SLC71A2: variants seen among roughly 807,000 people sequenced by gnomAD.
SLC71A2 encodes hippocampus abundant transcript-like 1.
At chr9:94,392,506 A>ATT in the SLC71A2 span, among the ~76,000 whole-genome samples, 3 of 147,412 alleles carry the variant, frequency 2.0e-5, no homozygotes, top group African/African-American at 7.5e-5. Flanking sequence ...ATTTAAAAGC[A>ATT]TTTTTTTTTT....
At chr9:94,416,592 C>T in the SLC71A2 span, among the ~76,000 whole-genome samples, 10 of 152,154 alleles carry the variant, frequency 6.6e-5, no homozygotes, top group African/African-American at 1.2e-4. Context: ...CGGTGGCTCA[C>T]GCCTGTAATC....
chr9:94,445,818 T>C, the SLC71A2 span, among the ~76,000 whole-genome samples: 1 of 152,218 alleles, frequency 6.6e-6, no homozygotes. Context: ...TGGTTTCTGC[T>C]TTTCGTCCCC....
the SLC71A2 span, among the ~76,000 whole-genome samples, chr9:94,388,427 T>C: frequency 1.3e-5 from 2 of 152,208 alleles, no homozygotes; most frequent in African/African-American, 2.4e-5. Flanking sequence ...TAAGGCACTA[T>C]TGGGACAAGA....
the SLC71A2 span, among the ~76,000 whole-genome samples, chr9:94,453,409 A>C: frequency 6.6e-6 from 1 of 152,078 alleles, no homozygotes; most frequent in Non-Finnish European, 1.5e-5. Flanking sequence ...CGGCCTCCCA[A>C]AGTGCTGGGA....
At chr9:94,375,231 G>T in the SLC71A2 span, among the ~76,000 whole-genome samples, 9 of 151,990 alleles carry the variant, frequency 5.9e-5, no homozygotes, top group African/African-American at 2.2e-4. Context: ...CAGTTTTCCT[G>T]GCGCAGTTTC....
the SLC71A2 span, among the ~76,000 whole-genome samples, chr9:94,380,164 G>T: frequency 6.6e-6 from 1 of 152,182 alleles, no homozygotes; most frequent in Non-Finnish European, 1.5e-5. Context: ...CTACTTGGGA[G>T]GCTGAGGCAG....
chr9:94,402,467 C>G, the SLC71A2 span, among the ~76,000 whole-genome samples: 6 of 152,114 alleles, frequency 3.9e-5, no homozygotes, highest in East Asian at 1.2e-3. Flanking sequence ...ATTTTCATCT[C>G]CCCCAAAAGA....
chr9:94,428,102 A>AC, the SLC71A2 span, among the ~76,000 whole-genome samples: 1 of 152,040 alleles, frequency 6.6e-6, no homozygotes, highest in African/African-American at 2.4e-5. Context: ...CAGCCTGGCG[A>AC]AGAGTGAGAC....
chr9:94,413,782 T>C, the SLC71A2 span, among the ~76,000 whole-genome samples: 1 of 152,196 alleles, frequency 6.6e-6, no homozygotes, highest in African/African-American at 2.4e-5. Context: ...AGTTCTTCAC[T>C]GATTTCTCTT....
At chr9:94,409,175 C>T in the SLC71A2 span, among the ~76,000 whole-genome samples, 11 of 117,964 alleles carry the variant, frequency 9.3e-5, no homozygotes, top group Non-Finnish European at 1.7e-4. Flanking sequence ...GTTTCACTCC[C>T]TTCTCCCAGA....
chr9:94,399,909 G>A, the SLC71A2 span, among the ~76,000 whole-genome samples: 2 of 151,680 alleles, frequency 1.3e-5, no homozygotes, highest in Admixed American at 1.3e-4. Context: ...GGGTTCATGC[G>A]ATTCTCCTGC....
chr9:94,456,188 G>A, the SLC71A2 span: 1 of 1,262,164 alleles, frequency 7.9e-7, no homozygotes, highest in African/African-American at 1.5e-5. Context: ...TCCGAATAGT[G>A]AGCTCCTTGA....
chr9:94,392,247 C>T, the SLC71A2 span, among the ~76,000 whole-genome samples: 2 of 150,904 alleles, frequency 1.3e-5, no homozygotes, highest in Non-Finnish European at 3.0e-5. Flanking sequence ...ATTTTGCTCT[C>T]GTGATACATG....
chr9:94,421,426 ATT>A, the SLC71A2 span, among the ~76,000 whole-genome samples: 408 of 152,246 alleles, frequency 2.7e-3, 1 homozygote, highest in African/African-American at 9.4e-3. Context: ...TGTGTTTAAT[ATT>A]ATATAAGTGG....
the SLC71A2 span, among the ~76,000 whole-genome samples, chr9:94,375,454 T>A: frequency 2.6e-4 from 39 of 151,806 alleles, no homozygotes; most frequent in African/African-American, 8.5e-4. Context: ...CCAGTTTTAC[T>A]TTTGCTTGAG....
At chr9:94,421,998 C>T in the SLC71A2 span, among the ~76,000 whole-genome samples, 2 of 152,090 alleles carry the variant, frequency 1.3e-5, no homozygotes, top group African/African-American at 4.8e-5. Context: ...ACAGCAGCTC[C>T]GCCTCCTGGG....
At chr9:94,459,479 T>C in the SLC71A2 span, 4 of 1,575,784 alleles carry the variant, frequency 2.5e-6, no homozygotes, top group Admixed American at 1.7e-5. Context: ...ACACCCCTGG[T>C]GACTTCATGG....
the SLC71A2 span, among the ~76,000 whole-genome samples, chr9:94,414,798 C>T: frequency 6.6e-6 from 1 of 152,066 alleles, no homozygotes; most frequent in Non-Finnish European, 1.5e-5. Context: ...TAGCTGGGAC[C>T]AAGTAGCCTG....
At chr9:94,459,464 G>A in the SLC71A2 span, 1 of 1,600,018 alleles carries the variant, frequency 6.2e-7, no homozygotes, top group Non-Finnish European at 8.5e-7. Context: ...GCCATGGAGG[G>A]AGCCACACCC....
Sources: allele counts gnomAD v4.1 joint callset (sites outside exome capture counted in the v4.1 genomes callset), GRCh38; gene constraint gnomAD v4.1.1; transcripts MANE v1.5; gene names NCBI Gene and HGNC (gene_info 2026-07-23, HGNC 2026-07-21).